Variants in PTPRM observed in about 807,000 individuals in gnomAD.
PTPRM encodes the protein receptor-type tyrosine-protein phosphatase mu.
In PTPRM, 47 loss-of-function variants were observed where a neutral mutation model predicts 186.7. The observed-to-expected ratio is 0.25, with a 90% confidence interval of 0.20 to 0.32. The LOEUF (loss-of-function observed/expected upper bound fraction) is 0.32. PTPRM is among the 10% of genes least tolerant of loss of function. The probability of loss-of-function intolerance (pLI) is 1.00; values close to 1 mark genes in which losing one functional copy is unlikely to be tolerated. For synonymous variants in PTPRM, 668 were observed against 674.9 expected (o/e 0.99, Z 0.16); for missense variants, 1,494 against 1,865.0 (o/e 0.80, Z 3.66).
intron 5 of PTPRM, among the ~76,000 whole-genome samples, chr18:7,931,472 G>A (rs1031292150): frequency 3.9e-5 from 6 of 152,110 alleles, no homozygotes; most frequent in Admixed American, 6.5e-5. Context: ...TTGAGAGGGC[G>A]AGGTGGGTGG....
At position 8,160,760 on chromosome 18, in the gene PTPRM, T is replaced by C. The variant is rs2146337688; in HGVS notation, c.2300+16981T>C. 1.3e-5 allele frequency among the ~76,000 whole-genome samples: 2 copies of C among 152,372 alleles called. 1 individual carries two copies. Among genetic ancestry groups the C allele is most frequent in the South Asian group, 4.1e-4 (2 of 4,832 alleles). On this transcript the variant is annotated intron_variant, in intron 14 of 32. Transcript: ENST00000580170. ...ACTTAGCATTTCCAGGCAGCTCTTCTCGCTGTTAGCTGTCTCACTGCATCA... is the reference window on the plus strand; with the variant it reads ...ACTTAGCATTTCCAGGCAGCTCTTCCCGCTGTTAGCTGTCTCACTGCATCA...
At chr18:7,907,889 CTT>C (rs200193157) in intron 4 of PTPRM, among the ~76,000 whole-genome samples, 21 of 143,008 alleles carry the variant, frequency 1.5e-4, no homozygotes, top group Non-Finnish European at 6.2e-5. Context: ...TCTCTGTATT[CTT>C]TTTTTTTTTT....
chr18:7,684,898 G>C (rs1268281698), intron 1 of PTPRM, among the ~76,000 whole-genome samples: 1 of 152,070 alleles, frequency 6.6e-6, no homozygotes, highest in Non-Finnish European at 1.5e-5. Context: ...TGATGTTTCT[G>C]TTTTTAATTT....
At chr18:7,871,384 C>G (rs1016654676) in intron 2 of PTPRM, among the ~76,000 whole-genome samples, 4 of 152,134 alleles carry the variant, frequency 2.6e-5, no homozygotes, top group Non-Finnish European at 5.9e-5. Context: ...CTTGCGTTAG[C>G]CATTGTTTTC....
chr18:7,575,184 CATG>C (rs1336793872), intron 1 of PTPRM, among the ~76,000 whole-genome samples: 1 of 152,178 alleles, frequency 6.6e-6, no homozygotes, highest in African/African-American at 2.4e-5. Context: ...TAAAAATAAT[CATG>C]ATGTCTTTTA....
At chr18:8,340,243 CT>C (rs530359097) in intron 22 of PTPRM, among the ~76,000 whole-genome samples, 2 of 151,864 alleles carry the variant, frequency 1.3e-5, no homozygotes, top group African/African-American at 4.8e-5. Context: ...TCTGCCTGTA[CT>C]TTTTTTTTCT....
intron 19 of PTPRM, among the ~76,000 whole-genome samples, chr18:8,280,224 C>G (rs1363225894): frequency 6.6e-6 from 1 of 152,116 alleles, no homozygotes; most frequent in Non-Finnish European, 1.5e-5. Flanking sequence ...ACGCATGCCC[C>G]AGGGTCTCTG....
intron 7 of PTPRM, among the ~76,000 whole-genome samples, chr18:8,017,303 C>T (rs984828559): frequency 6.6e-6 from 1 of 151,978 alleles, no homozygotes; most frequent in Non-Finnish European, 1.5e-5. Flanking sequence ...CTTTGGGAGA[C>T]TGAGGCAGGC....
intron 1 of PTPRM, among the ~76,000 whole-genome samples, chr18:7,674,184 G>T (rs1381286650): frequency 6.6e-6 from 1 of 152,154 alleles, no homozygotes; most frequent in Non-Finnish European, 1.5e-5. Context: ...AAACACTGAT[G>T]GTGGGTCCCA....
intron 1 of PTPRM, among the ~76,000 whole-genome samples, chr18:7,623,788 C>T (rs933697763): frequency 6.6e-6 from 1 of 152,098 alleles, no homozygotes; most frequent in African/African-American, 2.4e-5. Context: ...TACTTACCCC[C>T]AGAACAAGCA....
chr18:7,818,736 G>A (rs917933179), intron 2 of PTPRM, among the ~76,000 whole-genome samples: 2 of 152,198 alleles, frequency 1.3e-5, no homozygotes, highest in East Asian at 1.9e-4. Flanking sequence ...GGTGTGAAAT[G>A]CTTAATTCAT....
At chr18:8,151,785 G>A (rs1411502680) in intron 14 of PTPRM, among the ~76,000 whole-genome samples, 3 of 152,196 alleles carry the variant, frequency 2.0e-5, no homozygotes, top group Admixed American at 2.0e-4. Flanking sequence ...CCCTGGTGGG[G>A]TTAGGCGCCA....
rs1192876431 is a variant in PTPRM at position 8,395,231 on chromosome 18, G to A, written c.4344+620G>A. Among the ~76,000 whole-genome samples, 2 of 151,986 alleles carry A rather than the reference G, an allele frequency of 1.3e-5. 1 individual carries two copies. The highest frequency in any genetic ancestry group is 1.3e-4 in the Admixed American group (2 of 15,254). ...AGATTAGGTTTTTGCACTTCTCTGT[G>A]AGTGGAGGAAGGATCTGTAGGAAAC... On this transcript the variant is annotated intron_variant, in intron 32 of 32. Transcript: ENST00000580170.
intron 7 of PTPRM, among the ~76,000 whole-genome samples, chr18:7,959,330 A>G (rs746408640): frequency 2.0e-5 from 3 of 152,224 alleles, no homozygotes; most frequent in Non-Finnish European, 4.4e-5. Context: ...TTGTGGGCTC[A>G]TAGAATTCTT....
At chr18:7,873,981 C>T (rs1294277890) in intron 2 of PTPRM, among the ~76,000 whole-genome samples, 1 of 150,422 alleles carries the variant, frequency 6.6e-6, no homozygotes, top group Non-Finnish European at 1.5e-5. Flanking sequence ...TAGCAGGTGT[C>T]GAAAGTGTAA....
chr18:7,993,142 A>C (rs973304939), intron 7 of PTPRM, among the ~76,000 whole-genome samples: 2 of 151,934 alleles, frequency 1.3e-5, no homozygotes, highest in Non-Finnish European at 1.5e-5. Context: ...GAATGACTAA[A>C]GTTAAAGATA....
chr18:8,048,669 T>G (rs1046440216), intron 7 of PTPRM, among the ~76,000 whole-genome samples: 1 of 152,146 alleles, frequency 6.6e-6, no homozygotes, highest in African/African-American at 2.4e-5. Context: ...TGTGGTCTTT[T>G]GTGAAACCAT....
At chr18:8,329,741 T>TA (rs749131399) in intron 22 of PTPRM, among the ~76,000 whole-genome samples, 1 of 152,220 alleles carries the variant, frequency 6.6e-6, no homozygotes, top group Non-Finnish European at 1.5e-5. Context: ...ACCCAACTCT[T>TA]ACTAATTTGT....
chr18:7,997,384 A>G (rs913270815), intron 7 of PTPRM, among the ~76,000 whole-genome samples: 1 of 152,198 alleles, frequency 6.6e-6, no homozygotes, highest in Non-Finnish European at 1.5e-5. Flanking sequence ...AAACTCAAAT[A>G]AAAATGATGT....
Sources: allele counts gnomAD v4.1 joint callset (sites outside exome capture counted in the v4.1 genomes callset), GRCh38; gene constraint gnomAD v4.1.1; transcripts MANE v1.5; gene names NCBI Gene and HGNC (gene_info 2026-07-23, HGNC 2026-07-21).